Variants in KDM2B observed in about 807,000 individuals in gnomAD.
KDM2B encodes lysine-specific demethylase 2B.
A neutral mutation model predicts 150.0 loss-of-function variants in KDM2B; 26 were observed. The ratio of observed to expected loss-of-function variants is 0.17; its 90% confidence interval spans 0.13 to 0.24. The LOEUF (loss-of-function observed/expected upper bound fraction) is 0.24. KDM2B is among the 10% of genes least tolerant of loss of function. The pLI is 1.00. For missense variants in KDM2B, 1,265 were observed against 1,816.9 expected, an observed-to-expected ratio of 0.70 and a Z score of 5.52; for synonymous variants, 734 against 729.5, an observed-to-expected ratio of 1.01 and a Z score of -0.10.
intron 11 of KDM2B, among the ~76,000 whole-genome samples, chr12:121,503,527 G>A (rs1181193075): frequency 6.6e-6 from 1 of 152,008 alleles, no homozygotes; most frequent in Non-Finnish European, 1.5e-5. Flanking sequence ...GCCCAGGGTG[G>A]CCTCAAACTC....
At chr12:121,499,820 C>T (rs1280487463) in intron 11 of KDM2B, among the ~76,000 whole-genome samples, 2 of 151,856 alleles carry the variant, frequency 1.3e-5, no homozygotes, top group Non-Finnish European at 2.9e-5. Context: ...CATGGTGGCA[C>T]GCGTCTGTGG....
intron 6 of KDM2B, among the ~76,000 whole-genome samples, chr12:121,536,999 T>C (rs1443602488): frequency 6.6e-6 from 1 of 152,210 alleles, no homozygotes; most frequent in African/African-American, 2.4e-5. Flanking sequence ...AAGTTGAGTC[T>C]GTGTCTGATC....
intron 11 of KDM2B, among the ~76,000 whole-genome samples, chr12:121,505,366 T>C (rs2140723411): frequency 6.6e-6 from 1 of 151,422 alleles, no homozygotes; most frequent in East Asian, 1.9e-4. Flanking sequence ...GTAAATTGTG[T>C]TACGTGTGTC....
intron 12 of KDM2B, among the ~76,000 whole-genome samples, chr12:121,476,187 C>A (rs1881353630): frequency 6.6e-6 from 1 of 151,818 alleles, no homozygotes; most frequent in African/African-American, 2.4e-5. Flanking sequence ...CCCAGCTACT[C>A]GGGAGGCTGA....
chr12:121,558,982 C>G lies in KDM2B; in HGVS notation c.398-9344G>C, dbSNP rs1247533189. 2.8e-4 allele frequency among the ~76,000 whole-genome samples: 42 copies of G among 152,226 alleles called. 2 individuals carry two copies. ...CCTCTTGGCCTCCGCTACTTTGCAG[C>G]TTTTCACATCACAGATGCCACTTGG... On this transcript the variant is annotated intron_variant, in intron 4 of 22. Transcript: ENST00000377071.
chr12:121,517,300 A>G (rs1886297666), intron 9 of KDM2B, among the ~76,000 whole-genome samples: 1 of 152,098 alleles, frequency 6.6e-6, no homozygotes, highest in East Asian at 1.9e-4. Context: ...AAACACCTGT[A>G]TATGTTCGTG....
intron 9 of KDM2B, among the ~76,000 whole-genome samples, chr12:121,515,791 C>T (rs1450877788): frequency 5.9e-5 from 9 of 151,838 alleles, no homozygotes; most frequent in Non-Finnish European, 1.3e-4. Context: ...GGGTGCTGGG[C>T]TCTGCCTGCC....
At chr12:121,493,708 T>C (rs1883603938) in intron 12 of KDM2B, 1 of 152,196 alleles carries the variant, frequency 6.6e-6, no homozygotes, top group Non-Finnish European at 1.5e-5. Context: ...CACAACTGTC[T>C]ACCCCACAGA....
rs539397179 is a variant in KDM2B at position 121,518,976 on chromosome 12, G to C, written c.1047+2009C>G. On this transcript the variant is annotated intron_variant, in intron 9 of 22. Transcript: ENST00000377071. The surrounding 1 kb of genome is among the most constrained non-coding windows in gnomAD (Gnocchi z 4.4). Reference sequence around the variant, plus strand: ...GGGCGGCTCCTCCAGACCAGGGTGGGGGCTGGCCTTCCCCAGGTGGGATGG... The same window carrying C: ...GGGCGGCTCCTCCAGACCAGGGTGGCGGCTGGCCTTCCCCAGGTGGGATGG... 6.6e-6 allele frequency among the ~76,000 whole-genome samples: 1 copy of C among 152,204 alleles called. No individual in the cohort carries two copies. Among genetic ancestry groups the C allele is most frequent in the African/African-American group, 2.4e-5 (1 of 41,444 alleles).
chr12:121,434,447 G>C (rs529994566), intron 22 of KDM2B, among the ~76,000 whole-genome samples: 1 of 142,198 alleles, frequency 7.0e-6, no homozygotes, highest in African/African-American at 2.7e-5. Flanking sequence ...AGTGAGCCAA[G>C]ATCGTGCCAC....
intron 12 of KDM2B, among the ~76,000 whole-genome samples, chr12:121,479,339 T>C (rs12812497): frequency 0.66 from 98,097 of 147,572 alleles, 33,965 homozygotes; most frequent in African/African-American, 0.9. Context: ...TGGTGGCGGG[T>C]GCCTGTAGTC....
At position 121,429,507 on chromosome 12, in the gene KDM2B, T is replaced by TTCTC. The variant is rs1872706572; in HGVS notation, c.*777_*780dup. 6.4e-6 allele frequency: 1 copy of TTCTC among 155,880 alleles called. No homozygotes were observed. Among genetic ancestry groups the TTCTC allele is most frequent in the South Asian group, 2.0e-4 (1 of 5,028 alleles). The allele number at this position is 155,880 out of a possible 1,614,324, so 9.7% of individuals were successfully genotyped here. A position where few individuals can be genotyped will look rare whatever the true frequency, so the allele number is the denominator to read the frequency against. The stretch of plus-strand genomic sequence containing the variant: ...AATTTTAAAATTTGAGAAAAGTGAA[T>TTCTC]TCTCTACAGAGGAAACTTGGCAGAG... On this transcript the variant is annotated 3_prime_UTR_variant, in exon 23 of 23. Transcript: ENST00000377071.
chr12:121,474,879 G>A (rs1252111280), intron 12 of KDM2B, among the ~76,000 whole-genome samples: 2 of 152,120 alleles, frequency 1.3e-5, no homozygotes, highest in East Asian at 1.9e-4. Flanking sequence ...TTGAGCCTGG[G>A]AGTTTGAGGC....
chr12:121,463,510 T>C (rs782598340), intron 12 of KDM2B, among the ~76,000 whole-genome samples: 5 of 152,228 alleles, frequency 3.3e-5, no homozygotes, highest in Non-Finnish European at 5.9e-5. Flanking sequence ...TATGACCACA[T>C]AAATTTCTGA....
the KDM2B span, among the ~76,000 whole-genome samples, chr12:121,419,673 C>T: frequency 6.6e-6 from 1 of 152,124 alleles, no homozygotes; most frequent in Non-Finnish European, 1.5e-5. Context: ...GTACATAACC[C>T]AAACTGAAGA....
chr12:121,463,254 T>C (rs1555294077), intron 12 of KDM2B, among the ~76,000 whole-genome samples: 2 of 151,328 alleles, frequency 1.3e-5, no homozygotes, highest in Non-Finnish European at 2.9e-5. Context: ...AAGCAGAGAT[T>C]GCAGTGAGCT....
intron 4 of KDM2B, among the ~76,000 whole-genome samples, chr12:121,560,110 T>C (rs1890234052): frequency 6.6e-6 from 1 of 152,070 alleles, no homozygotes; most frequent in African/African-American, 2.4e-5. Context: ...GCTCAAGCGA[T>C]CCTCCGACCT....
At chr12:121,449,554 C>T (rs1876872912) in intron 13 of KDM2B, among the ~76,000 whole-genome samples, 1 of 152,118 alleles carries the variant, frequency 6.6e-6, no homozygotes, top group South Asian at 2.1e-4. Flanking sequence ...TAAGATGGCA[C>T]CCGAGACAGG....
chr12:121,535,810 C>T (rs570911802), intron 6 of KDM2B, among the ~76,000 whole-genome samples: 2 of 152,256 alleles, frequency 1.3e-5, no homozygotes, highest in Admixed American at 6.5e-5. Context: ...AACTGCTGCC[C>T]TCTTAGGAGT....
Sources: allele counts gnomAD v4.1 joint callset (sites outside exome capture counted in the v4.1 genomes callset), GRCh38; gene constraint gnomAD v4.1.1; non-coding constraint Gnocchi (gnomAD v3.1); transcripts MANE v1.5; gene names NCBI Gene and HGNC (gene_info 2026-07-23, HGNC 2026-07-21).